TMEM132D: variants seen among roughly 807,000 people sequenced by gnomAD.
TMEM132D encodes the protein transmembrane protein 132D.
Under a neutral mutation model 62.3 loss-of-function variants are expected in TMEM132D, and 21 were observed. That is an observed-to-expected ratio of 0.34 (90% CI 0.24 to 0.49). TMEM132D has a LOEUF of 0.49. Ranked by LOEUF, TMEM132D falls within the 20% of genes least tolerant of loss-of-function variation. The pLI is 0.99. For missense variants in TMEM132D, 1,346 were observed against 1,402.8 expected (o/e 0.96, Z 0.65); for synonymous variants, 621 against 575.6 (o/e 1.08, Z -1.13).
At chr12:129,606,074 A>C (rs1004999637) in intron 2 of TMEM132D, among the ~76,000 whole-genome samples, 1 of 152,148 alleles carries the variant, frequency 6.6e-6, no homozygotes, top group Admixed American at 6.5e-5. Flanking sequence ...AAAATAAAAC[A>C]AAAAAGACAC....
At position 129,582,181 on chromosome 12, in the gene TMEM132D, T is replaced by G. The variant is rs114167753; in HGVS notation, c.969-50976A>C. ...AGTCCACATGGCCGATCCCATGTAT[T>G]TTTGACACTGTGATCACAATTTTGA... is the stretch of plus-strand genomic sequence containing the variant. On this transcript the variant is annotated intron_variant, in intron 2 of 8. Coordinates refer to ENST00000422113, the MANE Select transcript of TMEM132D (RefSeq NM_133448.3). Among the ~76,000 whole-genome samples, 149 of 152,376 alleles carry G rather than the reference T, an allele frequency of 9.8e-4. 1 individual carries two copies. The highest frequency in any genetic ancestry group is 3.3e-3 in the African/African-American group (139 of 41,590).
intron 2 of TMEM132D, among the ~76,000 whole-genome samples, chr12:129,583,768 A>C (rs1348065786): frequency 6.6e-6 from 1 of 152,226 alleles, no homozygotes; most frequent in African/African-American, 2.4e-5. Flanking sequence ...GCGAGAAAGC[A>C]TCACCCAAGT....
chr12:129,828,220 T>C (rs1321974914), intron 1 of TMEM132D, among the ~76,000 whole-genome samples: 1 of 152,158 alleles, frequency 6.6e-6, no homozygotes, highest in African/African-American at 2.4e-5. Context: ...GCTCAGGAAT[T>C]CATCTCACCG....
At chr12:129,237,937 C>A (rs369381205) in intron 4 of TMEM132D, among the ~76,000 whole-genome samples, 2 of 152,162 alleles carry the variant, frequency 1.3e-5, no homozygotes, top group African/African-American at 2.4e-5. Context: ...TGTGGTTCAA[C>A]GGAGTATTCT....
At chr12:129,493,226 A>G (rs1325873132) in intron 3 of TMEM132D, among the ~76,000 whole-genome samples, 1 of 152,216 alleles carries the variant, frequency 6.6e-6, no homozygotes, top group Admixed American at 6.5e-5. Context: ...GTTAATGGAA[A>G]AATATTTGCT....
At chr12:129,639,487 T>G (rs1879586957) in intron 2 of TMEM132D, among the ~76,000 whole-genome samples, 1 of 151,958 alleles carries the variant, frequency 6.6e-6, no homozygotes, top group African/African-American at 2.4e-5. Flanking sequence ...AAATGATTAC[T>G]TCCTTGGAGT....
intron 1 of TMEM132D, among the ~76,000 whole-genome samples, chr12:129,870,209 C>G (rs922766936): frequency 6.6e-6 from 1 of 152,238 alleles, no homozygotes; most frequent in Non-Finnish European, 1.5e-5. Flanking sequence ...TCTAGAACCC[C>G]TGGGCTCAAG....
At chr12:129,896,938 G>A (rs1220028468) in intron 1 of TMEM132D, among the ~76,000 whole-genome samples, 1 of 152,146 alleles carries the variant, frequency 6.6e-6, no homozygotes, top group Non-Finnish European at 1.5e-5. Flanking sequence ...CTTTTCAGAT[G>A]CATGCCACAG....
chr12:129,759,602 C>CCCAGTG (rs1230214820), intron 1 of TMEM132D, among the ~76,000 whole-genome samples: 1 of 152,162 alleles, frequency 6.6e-6, no homozygotes, highest in Non-Finnish European at 1.5e-5. Flanking sequence ...AGGTAAAAGT[C>CCCAGTG]CCAGTGCCAG....
At chr12:129,658,618 A>C (rs1880156987) in intron 2 of TMEM132D, among the ~76,000 whole-genome samples, 1 of 152,196 alleles carries the variant, frequency 6.6e-6, no homozygotes, top group African/African-American at 2.4e-5. Flanking sequence ...ATAGAGTATA[A>C]TGGGAGTGAC....
At chr12:129,151,361 G>A (rs756854665) in intron 5 of TMEM132D, among the ~76,000 whole-genome samples, 1 of 152,170 alleles carries the variant, frequency 6.6e-6, no homozygotes, top group Non-Finnish European at 1.5e-5. Flanking sequence ...TGTTGGGGTT[G>A]CCTTATTCTG....
chr12:129,212,309 C>G (rs1879077901), intron 4 of TMEM132D: 1 of 152,198 alleles, frequency 6.6e-6, no homozygotes, highest in South Asian at 2.1e-4. Context: ...ACCAAGATCT[C>G]AGCGTGGCTG....
intron 4 of TMEM132D, among the ~76,000 whole-genome samples, chr12:129,293,920 G>T (rs1350672282): frequency 6.6e-6 from 1 of 152,174 alleles, no homozygotes; most frequent in Non-Finnish European, 1.5e-5. Flanking sequence ...GGGGACTCCT[G>T]TTCTGGGGCT....
At chr12:129,897,085 T>A (rs1376624821) in intron 1 of TMEM132D, among the ~76,000 whole-genome samples, 2 of 152,206 alleles carry the variant, frequency 1.3e-5, no homozygotes, top group Non-Finnish European at 2.9e-5. Flanking sequence ...GACTGTGGTA[T>A]GTACCCCTTA....
chr12:129,855,260 G>C (rs1338041514), intron 1 of TMEM132D, among the ~76,000 whole-genome samples: 1 of 84,930 alleles, frequency 1.2e-5, no homozygotes, highest in South Asian at 5.5e-4. Flanking sequence ...AACGGGATGG[G>C]TGCCCTTGTA....
chr12:129,110,067 TG>T (rs1420115874), intron 5 of TMEM132D: 1 of 152,380 alleles, frequency 6.6e-6, no homozygotes, highest in Admixed American at 6.5e-5. Flanking sequence ...GGATTCCCAG[TG>T]CTTCCTGCAG....
intron 5 of TMEM132D, among the ~76,000 whole-genome samples, chr12:129,182,706 G>T (rs887763026): frequency 2.0e-5 from 3 of 152,226 alleles, no homozygotes; most frequent in Non-Finnish European, 1.5e-5. Flanking sequence ...AGAAATACTT[G>T]GGATGATGTT....
intron 4 of TMEM132D, among the ~76,000 whole-genome samples, chr12:129,271,380 CT>C (rs1880849644): frequency 6.6e-6 from 1 of 151,706 alleles, no homozygotes; most frequent in Non-Finnish European, 1.5e-5. Flanking sequence ...AACAGTTTTT[CT>C]TTTTTCTTTT....
At chr12:129,403,712 A>G (rs1425962299) in intron 3 of TMEM132D, among the ~76,000 whole-genome samples, 2 of 152,140 alleles carry the variant, frequency 1.3e-5, no homozygotes, top group South Asian at 2.1e-4. Flanking sequence ...GTTGACTCGC[A>G]TGGAGTTAGA....
Sources: gnomAD v4.1 joint callset for allele counts (sites outside exome capture counted in the v4.1 genomes callset) on GRCh38, gnomAD v4.1.1 for gene constraint, MANE v1.5 for transcripts, NCBI Gene and HGNC (gene_info 2026-07-23, HGNC 2026-07-21) for gene names.